ATPAF2: variants seen among roughly 807,000 people sequenced by gnomAD.
ATPAF2 encodes the protein ATP12 homolog.
Under a neutral mutation model 36.6 loss-of-function variants are expected in ATPAF2, and 30 were observed. The observed-to-expected ratio is 0.82, with a 90% CI of 0.61 to 1.11. The LOEUF (loss-of-function observed/expected upper bound fraction) is 1.11, where lower values mean the gene tolerates loss of function less well. ATPAF2 is among the 50% of genes most tolerant of loss of function. The probability of loss-of-function intolerance (pLI) is 0.00; values close to 1 mark genes in which losing one functional copy is unlikely to be tolerated. For missense variants in ATPAF2, 321 were observed against 372.3 expected (o/e 0.86, Z 1.13); for synonymous variants, 140 against 152.6 (o/e 0.92, Z 0.61).
Position 18,018,491 on chromosome 17 carries a change from G to A in ATPAF2, c.*58C>T, listed in dbSNP as rs979672806. 2.2e-5 allele frequency: 35 copies of A among 1,606,562 alleles called. 1 individual carries two copies. In the Middle Eastern group the frequency reaches 8.2e-4, roughly 38 times the overall value. ...GCCCCACAGGCTGGGGAGCCCTGAA[G>A]GCCGGGGGAGCTGTGGCTGCACTGC... On this transcript the variant is annotated 3_prime_UTR_variant, in exon 8 of 8. Transcript: ENST00000474627.
intron 7 of ATPAF2, 103 bp downstream of exon 7, chr17:18,021,020 A>G: frequency 1.3e-6 from 2 of 1,489,904 alleles, no homozygotes; most frequent in Non-Finnish European, 1.8e-6. Context: ...TAAAAGTAAT[A>G]AAAGCCAAGT....
chr17:18,030,570 A>T (rs951803239), intron 1 of ATPAF2, among the ~76,000 whole-genome samples: 2 of 150,544 alleles, frequency 1.3e-5, no homozygotes, highest in Non-Finnish European at 3.0e-5. Context: ...ATTCAAATAG[A>T]CCATGAAAAT....
intron 1 of ATPAF2, among the ~76,000 whole-genome samples, chr17:18,031,268 C>A (rs551601412): frequency 7.2e-5 from 11 of 152,042 alleles, no homozygotes; most frequent in African/African-American, 2.7e-4. Context: ...AGCCACTGCG[C>A]CCAGCCTACT....
Position 18,018,432 on chromosome 17 carries a change from G to A in ATPAF2, c.*117C>T, listed in dbSNP as rs1377182362. 53 of 1,424,546 alleles carry A rather than the reference G, an allele frequency of 3.7e-5. No individual in the cohort carries two copies. Among genetic ancestry groups the A allele is most frequent in the South Asian group, 1.8e-4 (16 of 86,614 alleles). 88.2% of individuals were successfully genotyped at this position (1,424,546 alleles called of 1,614,324 possible). On this transcript the variant is annotated 3_prime_UTR_variant, in exon 8 of 8. Transcript: ENST00000474627. ...GTCTCGGGGGGAATCTCAGGGTGAC[G>A]CTGAGGCCGAGTCCCCAAAAGCCAA...
chr17:18,036,005 T>C (rs565210688), intron 1 of ATPAF2, among the ~76,000 whole-genome samples: 13 of 152,328 alleles, frequency 8.5e-5, no homozygotes, highest in East Asian at 1.9e-4. Context: ...TGGGAGTCAA[T>C]AGACCTCTGA....
chr17:18,018,443 G>C lies in ATPAF2; in HGVS notation c.*106C>G. 1 of 1,510,490 alleles carries C rather than the reference G, an allele frequency of 6.6e-7. No homozygotes were observed. Among genetic ancestry groups the C allele is most frequent in the Non-Finnish European group, 9.1e-7 (1 of 1,100,306 alleles). The allele number at this position is 1,510,490 out of a possible 1,614,324, so 93.6% of individuals were successfully genotyped here. On this transcript the variant is annotated 3_prime_UTR_variant, in exon 8 of 8. Coordinates refer to ENST00000474627, the MANE Select transcript of ATPAF2 (RefSeq NM_145691.4). ...AATCTCAGGGTGACGCTGAGGCCGA[G>C]TCCCCAAAAGCCAAGGAAGCCAGCC...
rs367671231 is a variant in ATPAF2 at position 18,018,697 on chromosome 17, G to A, written c.733-11C>T. 2.2e-5 allele frequency: 36 copies of A among 1,613,780 alleles called. No individual in the cohort carries two copies. In the African/African-American group the frequency reaches 4.4e-4, roughly 20 times the overall value. On this transcript the variant is annotated splice_polypyrimidine_tract_variant and intron_variant, in intron 7 of 7. Transcript: ENST00000474627. ...GCCCCACTTCTGGATCTGAGGGAAG[G>A]ACAAGACAAGTTGCTGGGTGAGTGG...
chr17:18,025,914 A>G (rs1376190705), intron 4 of ATPAF2, among the ~76,000 whole-genome samples: 1 of 152,194 alleles, frequency 6.6e-6, no homozygotes, highest in Non-Finnish European at 1.5e-5. Context: ...ATAGACACAG[A>G]GGAGAATTCA....
At chr17:18,022,306 G>A (rs1386153392) in intron 5 of ATPAF2, among the ~76,000 whole-genome samples, 1 of 152,166 alleles carries the variant, frequency 6.6e-6, no homozygotes, top group Non-Finnish European at 1.5e-5. Flanking sequence ...TATTGAGACA[G>A]GGTCTCGCTC....
chr17:18,016,310 A>G, downstream of ATPAF2: 2 of 1,190,058 alleles, frequency 1.7e-6, no homozygotes, highest in Non-Finnish European at 2.4e-6. Context: ...AGGAAGAAAT[A>G]AAATTAAGGA....
intron 1 of ATPAF2, among the ~76,000 whole-genome samples, chr17:18,031,035 C>G (rs993304045): frequency 3.5e-5 from 5 of 143,270 alleles, no homozygotes; most frequent in African/African-American, 1.3e-4. Context: ...TGCAGTGGCG[C>G]GATCTCGGTT....
Position 18,034,259 on chromosome 17 carries a change from C to T in ATPAF2, c.133+4622G>A, listed in dbSNP as rs562627390. On this transcript the variant is annotated intron_variant, in intron 1 of 7. Coordinates refer to ENST00000474627, the MANE Select transcript of ATPAF2 (RefSeq NM_145691.4). ...CTGTACAAAAAAATTTTAAAGTCAG[C>T]TGGGCATGGTGGCACACACCTGTAG... 7.9e-5 allele frequency among the ~76,000 whole-genome samples: 12 copies of T among 152,164 alleles called. No homozygotes were observed. The East Asian group carries it at 1.9e-3, about 24-fold the overall frequency.
downstream of ATPAF2, chr17:18,016,813 C>G: frequency 2.0e-6 from 1 of 503,996 alleles, no homozygotes; most frequent in Non-Finnish European, 3.5e-6. Flanking sequence ...TTCCCCCACC[C>G]CTGGAAAAAC....
chr17:18,024,549 C>A (rs556711588), intron 5 of ATPAF2, 75 bp downstream of exon 5: 1 of 1,281,486 alleles, frequency 7.8e-7, no homozygotes, highest in South Asian at 1.2e-5. Context: ...AGTTTTCCAG[C>A]GTGACCCCCT....
intron 3 of ATPAF2, 80 bp downstream of exon 3, chr17:18,028,152 T>C (rs1235134804): frequency 6.4e-7 from 1 of 1,567,184 alleles, no homozygotes; most frequent in Non-Finnish European, 8.8e-7. Context: ...CCCAGGGCCT[T>C]GTCGGAATTT....
In ATPAF2 at chr17:18,026,460, C is replaced by G. The variant is rs772195861; in HGVS notation, c.325-44G>C. 21 of 1,495,538 alleles carry G rather than the reference C, an allele frequency of 1.4e-5. No individual in the cohort carries two copies. In the South Asian group the frequency reaches 2.3e-4, roughly 16 times the overall value. 92.6% of individuals were successfully genotyped at this position (1,495,538 alleles called of 1,614,324 possible). ...CCACCCTGTCACTGCCTGCGGGGCT[C>G]AGGCAAAAGCCCTGCTTTCCTGAGG... On this transcript the variant is annotated intron_variant, in intron 3 of 7. Transcript: ENST00000474627.
At chr17:18,016,580 G>A (rs73303861), downstream of ATPAF2, 1 of 1,613,708 alleles carries the variant, frequency 6.2e-7, no homozygotes, top group African/African-American at 1.3e-5. Context: ...GAGATCATGA[G>A]GAACCGCAAG....
At chr17:18,035,230 T>TAA (rs987573897) in intron 1 of ATPAF2, among the ~76,000 whole-genome samples, 1 of 150,792 alleles carries the variant, frequency 6.6e-6, no homozygotes, top group African/African-American at 2.4e-5. Flanking sequence ...CCCAATCTCT[T>TAA]AAAAACAAAA....
intron 3 of ATPAF2, among the ~76,000 whole-genome samples, chr17:18,027,289 C>T (rs1203719075): frequency 6.6e-6 from 1 of 151,500 alleles, no homozygotes; most frequent in African/African-American, 2.4e-5. Flanking sequence ...TTACCCTATT[C>T]GTTTGTAGCC....
Sources: allele counts gnomAD v4.1 joint callset (sites outside exome capture counted in the v4.1 genomes callset), GRCh38; gene constraint gnomAD v4.1.1; transcripts MANE v1.5; gene names NCBI Gene and HGNC (gene_info 2026-07-23, HGNC 2026-07-21).